The following ATXN1 variants were observed in gnomAD, a reference collection of about 807,000 sequenced individuals.
The protein encoded by ATXN1 is ataxin 1.
Under a neutral mutation model 56.4 loss-of-function variants are expected in ATXN1, and 8 were observed. The ratio of observed to expected loss-of-function variants is 0.14; its 90% CI spans 0.08 to 0.26. ATXN1 has a LOEUF of 0.26. ATXN1 is among the 10% of genes least tolerant of loss of function. The pLI, the probability that ATXN1 is intolerant of heterozygous loss-of-function variation, is 1.00. For missense variants in ATXN1, 987 were observed against 1,106.5 expected (o/e 0.89, Z 1.53); for synonymous variants, 514 against 494.6 (o/e 1.04, Z -0.52).
At chr6:16,465,336 A>T (rs562064148) in intron 6 of ATXN1, among the ~76,000 whole-genome samples, 1 of 152,364 alleles carries the variant, frequency 6.6e-6, no homozygotes, top group Non-Finnish European at 1.5e-5. Flanking sequence ...AGGTGTCTGT[A>T]GTCCCAGCTA....
At chr6:16,744,651 G>A (rs1361933035) in intron 2 of ATXN1, among the ~76,000 whole-genome samples, 1 of 152,160 alleles carries the variant, frequency 6.6e-6, no homozygotes, top group Non-Finnish European at 1.5e-5. Context: ...GGGGCCCTTG[G>A]AAATAGAAAG....
intron 5 of ATXN1, among the ~76,000 whole-genome samples, chr6:16,495,404 A>T (rs898525297): frequency 3.3e-5 from 5 of 152,242 alleles, no homozygotes; most frequent in Non-Finnish European, 7.3e-5. Context: ...TGCATCTCCC[A>T]ACCTCTGTCC....
intron 6 of ATXN1, among the ~76,000 whole-genome samples, chr6:16,468,490 G>A (rs892141580): frequency 2.3e-4 from 35 of 152,036 alleles, no homozygotes; most frequent in African/African-American, 7.5e-4. Context: ...TGCCTGGCCC[G>A]GACTGGTTAT....
At chr6:16,329,466 G>T (rs973496748) in intron 6 of ATXN1, among the ~76,000 whole-genome samples, 3 of 152,086 alleles carry the variant, frequency 2.0e-5, no homozygotes, top group Non-Finnish European at 1.5e-5. Context: ...CCTGTTCTCT[G>T]CAAGTTTCAA....
At chr6:16,529,554 A>G (rs901019699) in intron 4 of ATXN1, among the ~76,000 whole-genome samples, 1 of 152,206 alleles carries the variant, frequency 6.6e-6, no homozygotes, top group Non-Finnish European at 1.5e-5. Context: ...TAACCCAAAC[A>G]CAAAGAATGT....
At position 16,326,724 on chromosome 6, in the gene ATXN1, C is replaced by T. The variant is rs146329176; in HGVS notation, c.1587G>A (p.Lys529=). Reference sequence around the variant, plus strand: ...GGGCCTCAGGGTTGAAGTTCTCGCTCTTGGGAAGGGCGGTGGTGACGAACG... The same window carrying T: ...GGGCCTCAGGGTTGAAGTTCTCGCTTTTGGGAAGGGCGGTGGTGACGAACG... ...PHTFVTTALP[K]SENFNPEALV... is the part of the protein sequence containing the mutation. The change falls in exon 7 of 8, where the codon AAG becomes AAA. Residue 529 remains lysine, a synonymous_variant. Coordinates refer to ENST00000436367, the MANE Select transcript of ATXN1 (RefSeq NM_001128164.2). The surrounding 1 kb of genome is among the most constrained non-coding windows in gnomAD (Gnocchi z 6.6). 12 of 1,613,646 alleles carry T rather than the reference C, an allele frequency of 7.4e-6. No individual in the cohort carries two copies. The Admixed American group carries it at 2.0e-4, about 27-fold the overall frequency.
At chr6:16,625,094 T>C (rs968795934) in intron 3 of ATXN1, among the ~76,000 whole-genome samples, 4 of 152,224 alleles carry the variant, frequency 2.6e-5, no homozygotes, top group Non-Finnish European at 5.9e-5. Flanking sequence ...GCCATCCTTA[T>C]GCCTAGAAAA....
chr6:16,523,473 T>C (rs1311391481), intron 4 of ATXN1, among the ~76,000 whole-genome samples: 2 of 152,192 alleles, frequency 1.3e-5, no homozygotes, highest in Non-Finnish European at 2.9e-5. Context: ...AGCCGCCAAG[T>C]AGCTGGGACT....
chr6:16,490,044 GC>G (rs1235194956), intron 5 of ATXN1, among the ~76,000 whole-genome samples: 2 of 150,792 alleles, frequency 1.3e-5, no homozygotes, highest in East Asian at 2.0e-4. Flanking sequence ...CCAGAGAGAT[GC>G]TGAGGATCTT....
chr6:16,563,798 C>T (rs1225375612), intron 4 of ATXN1, among the ~76,000 whole-genome samples: 2 of 148,032 alleles, frequency 1.4e-5, no homozygotes, highest in East Asian at 1.9e-4. Flanking sequence ...CGGTCCATGA[C>T]GCCGCTGCAC....
At chr6:16,733,663 C>T (rs1225428270) in intron 2 of ATXN1, among the ~76,000 whole-genome samples, 1 of 152,104 alleles carries the variant, frequency 6.6e-6, no homozygotes, top group Non-Finnish European at 1.5e-5. Context: ...GCTTGACCAA[C>T]ATGGAGAAAC....
At chr6:16,396,036 A>G (rs1758451386) in intron 6 of ATXN1, among the ~76,000 whole-genome samples, 1 of 150,980 alleles carries the variant, frequency 6.6e-6, no homozygotes, top group African/African-American at 2.4e-5. Context: ...AAAAAAAAAA[A>G]AAAGCCAATT....
chr6:16,482,442 G>A (rs1459238656), intron 6 of ATXN1, among the ~76,000 whole-genome samples: 2 of 152,188 alleles, frequency 1.3e-5, no homozygotes, highest in Non-Finnish European at 2.9e-5. Context: ...AAGGCTAGAG[G>A]ACTGAGAGGG....
intron 6 of ATXN1, among the ~76,000 whole-genome samples, chr6:16,483,128 C>A (rs1050315720): frequency 6.6e-6 from 1 of 152,078 alleles, no homozygotes; most frequent in Admixed American, 6.6e-5. Context: ...TGTACAAGAT[C>A]CCCCCTCCCC....
At chr6:16,672,752 G>A (rs1180891935) in intron 2 of ATXN1, among the ~76,000 whole-genome samples, 1 of 152,204 alleles carries the variant, frequency 6.6e-6, no homozygotes, top group African/African-American at 2.4e-5. Flanking sequence ...AGGCACGATG[G>A]TTCATGCCTG....
rs927499703 is a variant in ATXN1 at position 16,301,059 on chromosome 6, A to G, written c.*5270T>C. On this transcript the variant is annotated 3_prime_UTR_variant, in exon 8 of 8. Coordinates refer to ENST00000436367, the MANE Select transcript of ATXN1 (RefSeq NM_001128164.2). ...CATGACAAATTTCTATATACAAAAA[A>G]ACATGTAACTTTCAACCCTTCTCTG... The G allele has an allele frequency of 1.3e-5, 2 of 151,608 alleles. No individual in the cohort carries two copies. Among genetic ancestry groups the G allele is most frequent in the African/African-American group, 4.9e-5 (2 of 41,000 alleles). The allele number at this position is 151,608 out of a possible 1,614,324, so 9.4% of individuals were successfully genotyped here. A position where few individuals can be genotyped will look rare whatever the true frequency, so the allele number is the denominator to read the frequency against.
chr6:16,630,566 A>C (rs1763487095), intron 3 of ATXN1, among the ~76,000 whole-genome samples: 1 of 152,218 alleles, frequency 6.6e-6, no homozygotes, highest in Non-Finnish European at 1.5e-5. Context: ...AGCCTCCTGC[A>C]AGTCATCATC....
intron 3 of ATXN1, among the ~76,000 whole-genome samples, chr6:16,642,852 G>C (rs1430459983): frequency 6.6e-6 from 1 of 152,162 alleles, no homozygotes; most frequent in Non-Finnish European, 1.5e-5. Flanking sequence ...AAATGTTATT[G>C]GATAATTAAT....
Position 16,616,685 on chromosome 6 carries a change from T to C in ATXN1, c.-488-30778A>G, listed in dbSNP as rs865835247. Among the ~76,000 whole-genome samples, 12 of 144,050 alleles carry C rather than the reference T, an allele frequency of 8.3e-5. No individual in the cohort carries two copies. In the South Asian group the frequency reaches 2.5e-3, roughly 30 times the overall value. The allele number at this position is 144,050 out of a possible 152,430, so 94.5% of individuals were successfully genotyped here. ...ATTATATATATTATATATTAATAATTATATATAATGGTCAGTTACTAGAAG... is the reference window on the plus strand; with the variant it reads ...ATTATATATATTATATATTAATAATCATATATAATGGTCAGTTACTAGAAG... On this transcript the variant is annotated intron_variant, in intron 3 of 7. Transcript: ENST00000436367.
Sources: allele counts gnomAD v4.1 joint callset (sites outside exome capture counted in the v4.1 genomes callset), GRCh38; gene constraint gnomAD v4.1.1; non-coding constraint Gnocchi (gnomAD v3.1); transcripts MANE v1.5; gene names NCBI Gene and HGNC (gene_info 2026-07-23, HGNC 2026-07-21).